RNF216: variants seen among roughly 807,000 people sequenced by gnomAD.
RNF216 encodes ring finger protein 216.
RNF216 carries 72 observed loss-of-function variants against 110.8 expected under a neutral mutation model. The observed-to-expected ratio is 0.65, with a 90% CI of 0.54 to 0.79. The LOEUF (loss-of-function observed/expected upper bound fraction) is 0.79, where lower values mean the gene tolerates loss of function less well. Among genes scored for constraint, RNF216 ranks in the 30% least tolerant of loss-of-function variants. RNF216 has a pLI of 0.00. For missense variants in RNF216, 1,342 were observed against 1,141.2 expected, an observed-to-expected ratio of 1.18 and a Z score of -2.54; for synonymous variants, 495 against 407.5, an observed-to-expected ratio of 1.21 and a Z score of -2.59.
chr7:5,689,896 G>T (rs902090617), intron 13 of RNF216, among the ~76,000 whole-genome samples: 1 of 150,340 alleles, frequency 6.7e-6, no homozygotes, highest in African/African-American at 2.5e-5. Flanking sequence ...AGCCAAGATT[G>T]CGCCACTGCA....
At chr7:5,755,567 C>T (rs1795592374) in intron 2 of RNF216, among the ~76,000 whole-genome samples, 1 of 152,166 alleles carries the variant, frequency 6.6e-6, no homozygotes, top group Admixed American at 6.6e-5. Context: ...ATAAGTTTTG[C>T]ATGTTTTTGA....
At position 5,671,792 on chromosome 7, in the gene RNF216, C is replaced by G. The variant is rs984832015; in HGVS notation, c.2062-19282G>C. ...TGCACTCTAGCCTGAGCAAAGAGAC[C>G]AAAACTCCGTCTCAAAAAAAAAAAA... On this transcript the variant is annotated intron_variant, in intron 13 of 16. Coordinates refer to ENST00000389902, the MANE Select transcript of RNF216 (RefSeq NM_207111.4). Among the ~76,000 whole-genome samples, 29 of 93,344 alleles carry G rather than the reference C, an allele frequency of 3.1e-4. 1 individual carries two copies. Among genetic ancestry groups the G allele is most frequent in the Non-Finnish European group, 5.2e-4 (26 of 50,034 alleles). The allele number at this position is 93,344 out of a possible 152,430, so 61.2% of individuals were successfully genotyped here. A position where few individuals can be genotyped will look rare whatever the true frequency, so the allele number is the denominator to read the frequency against.
chr7:5,685,162 G>A (rs1198185639), intron 13 of RNF216, among the ~76,000 whole-genome samples: 5 of 152,182 alleles, frequency 3.3e-5, no homozygotes, highest in African/African-American at 1.2e-4. Context: ...GGCCTCCAGT[G>A]ATTGGGCTGC....
chr7:5,641,562 A>G (rs1345841831), intron 14 of RNF216, among the ~76,000 whole-genome samples, 186 bp from the exon 15 acceptor site: 2 of 152,184 alleles, frequency 1.3e-5, no homozygotes, highest in African/African-American at 4.8e-5. Context: ...TATGACCTTC[A>G]GTAAATTACT....
rs796604564 is a variant in RNF216, at chr7:5,770,802, CT to C, written c.-69-9665del. On this transcript the variant is annotated intron_variant, in intron 1 of 16. Coordinates refer to ENST00000389902, the MANE Select transcript of RNF216 (RefSeq NM_207111.4). Reference sequence around the variant, plus strand: ...AATGGAACAGAGTGCAGAACAGATTCTTTTTTTTTTTTTCTTTCCCCCCGAA... The same window carrying C: ...AATGGAACAGAGTGCAGAACAGATTCTTTTTTTTTTTTCTTTCCCCCCGAA... Among the ~76,000 whole-genome samples, 856 of 144,666 alleles carry C rather than the reference CT, an allele frequency of 5.9e-3. 4 individuals are homozygous for C. Among genetic ancestry groups the C allele is most frequent in the African/African-American group, 0.016 (641 of 39,772 alleles). The allele number at this position is 144,666 out of a possible 152,430, so 94.9% of individuals were successfully genotyped here. A position where few individuals can be genotyped will look rare whatever the true frequency, so the allele number is the denominator to read the frequency against.
chr7:5,694,824 G>C (rs1252268315), intron 13 of RNF216, among the ~76,000 whole-genome samples: 3 of 152,190 alleles, frequency 2.0e-5, no homozygotes, highest in Non-Finnish European at 4.4e-5. Flanking sequence ...TCTAGGTGTT[G>C]TCAAAATAGC....
chr7:5,766,506 C>G (rs1562476110), intron 1 of RNF216, among the ~76,000 whole-genome samples: 2 of 151,764 alleles, frequency 1.3e-5, no homozygotes, highest in African/African-American at 2.4e-5. Flanking sequence ...AAGAAGAGAT[C>G]TAGAGAGCTT....
chr7:5,730,439 T>A (rs1794021341), intron 6 of RNF216, among the ~76,000 whole-genome samples: 1 of 152,202 alleles, frequency 6.6e-6, no homozygotes. Context: ...CTTTGTAGGA[T>A]TAAAGATATG....
intron 14 of RNF216, chr7:5,650,058 G>C (rs1788292695): frequency 6.6e-6 from 1 of 152,164 alleles, no homozygotes; most frequent in Admixed American, 6.6e-5. Context: ...AATGCCAGAA[G>C]GTTAGAGAGA....
At chr7:5,633,072 C>T (rs1398228301) in intron 15 of RNF216, among the ~76,000 whole-genome samples, 1 of 151,770 alleles carries the variant, frequency 6.6e-6, no homozygotes, top group African/African-American at 2.4e-5. Context: ...CTCCGCCTCC[C>T]GGGTTCAAGT....
intron 15 of RNF216, among the ~76,000 whole-genome samples, chr7:5,631,683 C>T (rs1787081128): frequency 6.6e-6 from 1 of 151,978 alleles, no homozygotes; most frequent in Admixed American, 6.6e-5. Flanking sequence ...AAAAAAATGC[C>T]ATTATTTCTT....
intron 13 of RNF216, among the ~76,000 whole-genome samples, chr7:5,691,184 C>G (rs1391498382): frequency 6.6e-6 from 1 of 152,190 alleles, no homozygotes; most frequent in African/African-American, 2.4e-5. Context: ...CACTTCTGCT[C>G]ATGCCAACAG....
At chr7:5,633,642 A>G (rs571562586) in intron 15 of RNF216, among the ~76,000 whole-genome samples, 81 of 152,266 alleles carry the variant, frequency 5.3e-4, no homozygotes, top group Non-Finnish European at 1.0e-3. Flanking sequence ...AGGGAGGGAG[A>G]TTTGTTTCCT....
At chr7:5,726,192 ACTT>A (rs1378084665) in intron 7 of RNF216, among the ~76,000 whole-genome samples, 1 of 151,944 alleles carries the variant, frequency 6.6e-6, no homozygotes, top group African/African-American at 2.4e-5. Context: ...TAGGACAATC[ACTT>A]GAGCCTGAGA....
Position 5,687,328 on chromosome 7 carries a change from G to A in RNF216, c.2061+24433C>T, listed in dbSNP as rs533447478. On this transcript the variant is annotated intron_variant, in intron 13 of 16. Transcript: ENST00000389902. ...GGAGAATCACTTGAACCTGGGAGGC[G>A]GAGGTTGCAGTGAGCTGAGACTGCG... Among the ~76,000 whole-genome samples, 5 of 149,462 alleles carry A rather than the reference G, an allele frequency of 3.3e-5. 1 individual carries two copies. Among genetic ancestry groups the A allele is most frequent in the Admixed American group, 2.7e-4 (4 of 15,086 alleles).
At chr7:5,727,591 G>T (rs541165162) in intron 7 of RNF216, among the ~76,000 whole-genome samples, 1 of 152,154 alleles carries the variant, frequency 6.6e-6, no homozygotes, top group South Asian at 2.1e-4. Context: ...GATCATCCAG[G>T]TGTGGTGGCG....
At chr7:5,652,786 T>A (rs1033963277) in intron 13 of RNF216, among the ~76,000 whole-genome samples, 3 of 151,308 alleles carry the variant, frequency 2.0e-5, no homozygotes, top group Admixed American at 2.0e-4. Context: ...TGAGACCCTG[T>A]CCCTTAAAAA....
In RNF216 at chr7:5,740,104, C is replaced by CTTTTTTTTTTTTTTTTTTT. The variant is rs71004698; in HGVS notation, c.1045-771_1045-753dup. Among the ~76,000 whole-genome samples, 10 of 118,484 alleles carry CTTTTTTTTTTTTTTTTTTT rather than the reference C, an allele frequency of 8.4e-5. 1 individual carries two copies. Among genetic ancestry groups the CTTTTTTTTTTTTTTTTTTT allele is most frequent in the Non-Finnish European group, 1.7e-4 (10 of 57,266 alleles). 77.7% of individuals were successfully genotyped at this position (118,484 alleles called of 152,430 possible). A position where few individuals can be genotyped will look rare whatever the true frequency, so the allele number is the denominator to read the frequency against. ...AAATAGTGGCTACCAGATGTAACAC[C>CTTTTTTTTTTTTTTTTTTT]TTTTTTTTTTTTTTTTTTTTTTTTT... On this transcript the variant is annotated intron_variant, in intron 4 of 16. Transcript: ENST00000389902.
intron 5 of RNF216, among the ~76,000 whole-genome samples, chr7:5,736,288 T>C (rs1440842957): frequency 6.6e-6 from 1 of 152,114 alleles, no homozygotes; most frequent in Non-Finnish European, 1.5e-5. Context: ...TGACTGGTTT[T>C]CGTATTTTTT....
Sources: gnomAD v4.1 joint callset for allele counts (sites outside exome capture counted in the v4.1 genomes callset) on GRCh38, gnomAD v4.1.1 for gene constraint, MANE v1.5 for transcripts, NCBI Gene and HGNC (gene_info 2026-07-23, HGNC 2026-07-21) for gene names.